The following NCOR2 variants were observed in gnomAD, a reference collection of about 807,000 sequenced individuals.
The protein encoded by NCOR2 is nuclear receptor corepressor 2.
Under a neutral mutation model 262.9 loss-of-function variants are expected in NCOR2, and 81 were observed. That is an observed-to-expected ratio of 0.31 (90% CI 0.26 to 0.37). NCOR2 has a LOEUF of 0.37. Ranked by LOEUF, NCOR2 falls within the 10% of genes least tolerant of loss-of-function variation. The pLI is 1.00. For missense variants in NCOR2, 3,385 were observed against 3,621.4 expected (o/e 0.93, Z 1.68); for synonymous variants, 1,659 against 1,559.3 (o/e 1.06, Z -1.51).
intron 6 of NCOR2, among the ~76,000 whole-genome samples, chr12:124,453,434 C>T (rs969126820): frequency 1.3e-5 from 2 of 152,196 alleles, no homozygotes; most frequent in African/African-American, 2.4e-5. Flanking sequence ...GCTCAGCCTC[C>T]GTCTCCTCTA....
chr12:124,562,800 G>A (rs780807704), intron 1 of NCOR2, among the ~76,000 whole-genome samples: 16 of 152,176 alleles, frequency 1.1e-4, no homozygotes, highest in Admixed American at 2.6e-4. Flanking sequence ...GTTGATATCC[G>A]AGCAGCCTGT....
exon 47 of NCOR2, chr12:124,325,377 G>GCA (rs1555297216): frequency 8.1e-6 from 2 of 246,788 alleles, no homozygotes; most frequent in Non-Finnish European, 6.6e-6. Context: ...ACCTGACACC[G>GCA]CCCCCCCCCC....
chr12:124,556,076 G>A (rs932139774), intron 1 of NCOR2: 11 of 152,268 alleles, frequency 7.2e-5, no homozygotes, highest in African/African-American at 2.7e-4. Flanking sequence ...GGCAAAACGT[G>A]GTTCTCCCAC....
At chr12:124,428,088 T>TGTGTGTGTGTGC (rs1555221785) in intron 10 of NCOR2, among the ~76,000 whole-genome samples, 1 of 147,428 alleles carries the variant, frequency 6.8e-6, no homozygotes, top group African/African-American at 2.6e-5. Flanking sequence ...TGTGTGTGTG[T>TGTGTGTGTGTGC]ACATGCAACA....
chr12:124,385,230 C>T (rs1451388915), intron 17 of NCOR2, among the ~76,000 whole-genome samples: 1 of 152,174 alleles, frequency 6.6e-6, no homozygotes, highest in African/African-American at 2.4e-5. Context: ...CCGTGGCCTG[C>T]CTCAAGCCCT....
chr12:124,397,775 G>A (rs1013529323), intron 16 of NCOR2, among the ~76,000 whole-genome samples: 1 of 152,164 alleles, frequency 6.6e-6, no homozygotes, highest in African/African-American at 2.4e-5. Context: ...ATACCCAGGT[G>A]TGCTGCCACT....
chr12:124,337,093 G>C, exon 38 of NCOR2: 1 of 1,509,256 alleles, frequency 6.6e-7, no homozygotes. Context: ...GGGTAGGGTA[G>C]ACCCCATCGA....
At chr12:124,446,541 T>A (rs980453557) in intron 7 of NCOR2, among the ~76,000 whole-genome samples, 1 of 152,086 alleles carries the variant, frequency 6.6e-6, no homozygotes, top group South Asian at 2.1e-4. Context: ...CACCTCCTGT[T>A]CCACCTGTCT....
At chr12:124,488,270 G>A (rs1284416104) in intron 1 of NCOR2, among the ~76,000 whole-genome samples, 1 of 152,210 alleles carries the variant, frequency 6.6e-6, no homozygotes, top group African/African-American at 2.4e-5. Flanking sequence ...ATGAGCAAGT[G>A]GAATCCATGG....
intron 32 of NCOR2, 76 bp from the exon 35 acceptor site, chr12:124,343,302 C>A: frequency 7.9e-7 from 1 of 1,269,854 alleles, no homozygotes. Context: ...ATAGGGACCT[C>A]GGGATCCCAA....
At chr12:124,386,367 C>G (rs2040808710) in intron 16 of NCOR2, among the ~76,000 whole-genome samples, 1 of 151,996 alleles carries the variant, frequency 6.6e-6, no homozygotes, top group Non-Finnish European at 1.5e-5. Context: ...CACACCGGCC[C>G]AGCGAAAGGA....
chr12:124,389,384 G>C lies in NCOR2; in HGVS notation c.1877-3497C>G, dbSNP rs958078550. Among the ~76,000 whole-genome samples, 1 of 152,220 alleles carries C rather than the reference G, an allele frequency of 6.6e-6. No individual in the cohort carries two copies. The highest frequency in any genetic ancestry group is 1.5e-5 in the Non-Finnish European group (1 of 68,030). ...GGCAGGCGGGCGGGGGAGCGTGGCA[G>C]AGGCCCAGGTTCACAAGGGGCGGGC... is the stretch of plus-strand genomic sequence containing the variant. On this transcript the variant is annotated intron_variant, in intron 16 of 46. Coordinates refer to ENST00000405201, the Ensembl canonical transcript of NCOR2. This position sits in a 1 kb window ranked among gnomAD's most constrained non-coding sequence, Gnocchi z 4.4.
At chr12:124,401,994 G>A (rs1442356466) in intron 14 of NCOR2, among the ~76,000 whole-genome samples, 2 of 152,152 alleles carry the variant, frequency 1.3e-5, no homozygotes, top group Non-Finnish European at 2.9e-5. Context: ...GACAGCAGCC[G>A]CCTGCACACC....
In NCOR2 at chr12:124,454,515, C is replaced by T. The variant is rs1565957966; in HGVS notation, c.762+2591G>A. Among the ~76,000 whole-genome samples the T allele has an allele frequency of 6.6e-6, 1 of 152,152 alleles. No homozygotes were observed. Among genetic ancestry groups the T allele is most frequent in the Non-Finnish European group, 1.5e-5 (1 of 68,032 alleles). ...AGACTCCCACGGACAGGGGCTTCCT[C>T]GCCTGTGTTCCTCGGGCCCTAAGAC... On this transcript the variant is annotated intron_variant, in intron 6 of 46. Transcript: ENST00000405201. This position sits in a 1 kb window ranked among gnomAD's most constrained non-coding sequence, Gnocchi z 5.6.
At chr12:124,526,804 C>G (rs1168657076) in intron 1 of NCOR2, among the ~76,000 whole-genome samples, 1 of 152,138 alleles carries the variant, frequency 6.6e-6, no homozygotes, top group African/African-American at 2.4e-5. Context: ...CCAAACCAAA[C>G]AGTAAGAAGC....
rs140953210 is a variant in NCOR2 at position 124,456,794 on chromosome 12, G to A, written c.762+312C>T. Among the ~76,000 whole-genome samples, 1,480 of 152,286 alleles carry A rather than the reference G, an allele frequency of 9.7e-3. 22 individuals carry two copies. The highest frequency in any genetic ancestry group is 0.033 in the African/African-American group (1,382 of 41,554). On this transcript the variant is annotated intron_variant, in intron 6 of 46. Coordinates refer to ENST00000405201, the Ensembl canonical transcript of NCOR2. ...CGCGCTCAGCTGGAGCAAGCGCACC[G>A]GCCTACGGATGTGTGACTCTCCTCA...
intron 20 of NCOR2, among the ~76,000 whole-genome samples, chr12:124,366,528 T>C (rs1260633441): frequency 6.6e-6 from 1 of 152,150 alleles, no homozygotes; most frequent in Non-Finnish European, 1.5e-5. Flanking sequence ...CACGTTTTTT[T>C]TGAGACAGGG....
chr12:124,491,450 T>G (rs956441414), intron 1 of NCOR2, among the ~76,000 whole-genome samples: 1 of 152,146 alleles, frequency 6.6e-6, no homozygotes, highest in Non-Finnish European at 1.5e-5. Flanking sequence ...AGGACATCAC[T>G]GGGGCAGGAT....
intron 1 of NCOR2, among the ~76,000 whole-genome samples, chr12:124,489,121 T>C (rs1381133702): frequency 1.3e-5 from 2 of 151,690 alleles, no homozygotes; most frequent in Non-Finnish European, 2.9e-5. Flanking sequence ...AAGGCAAGAA[T>C]TGGGGAGGCC....
Sources: gnomAD v4.1 joint callset for allele counts (sites outside exome capture counted in the v4.1 genomes callset) on GRCh38, gnomAD v4.1.1 for gene constraint, Gnocchi (gnomAD v3.1) non-coding constraint, MANE v1.5 for transcripts, NCBI Gene and HGNC (gene_info 2026-07-23, HGNC 2026-07-21) for gene names.